Variants in RAB6B observed in about 807,000 individuals in gnomAD.
The protein encoded by RAB6B is ras-related protein Rab-6B.
A neutral mutation model predicts 31.2 loss-of-function variants in RAB6B; 7 were observed. The ratio of observed to expected loss-of-function variants is 0.22; its 90% CI spans 0.13 to 0.42. The LOEUF is 0.42. Among genes scored for constraint, RAB6B ranks in the 10% least tolerant of loss-of-function variants. RAB6B has a pLI of 1.00. For synonymous variants in RAB6B, 105 were observed against 104.9 expected (o/e 1.00, Z -0.01); for missense variants, 149 against 280.6 (o/e 0.53, Z 3.35).
intron 7 of RAB6B, among the ~76,000 whole-genome samples, chr3:133,829,626 A>G (rs984024978): frequency 6.6e-6 from 1 of 152,082 alleles, no homozygotes; most frequent in African/African-American, 2.4e-5. Flanking sequence ...GCCTTAAGAC[A>G]GGGGTGTGTG....
At chr3:133,876,606 T>A (rs1936400492) in intron 1 of RAB6B, among the ~76,000 whole-genome samples, 1 of 152,156 alleles carries the variant, frequency 6.6e-6, no homozygotes, top group African/African-American at 2.4e-5. Flanking sequence ...AGAAACTGTC[T>A]AAGCTCCCTG....
chr3:133,866,979 C>T (rs1278839662), intron 1 of RAB6B, among the ~76,000 whole-genome samples: 5 of 152,196 alleles, frequency 3.3e-5, no homozygotes, highest in Admixed American at 3.3e-4. Context: ...GTCTCTTCTC[C>T]CCAGGGCCTC....
At chr3:133,846,798 T>TA (rs1935914400) in intron 2 of RAB6B, among the ~76,000 whole-genome samples, 1 of 152,108 alleles carries the variant, frequency 6.6e-6, no homozygotes. Flanking sequence ...CTAAACTGCT[T>TA]AAAAAATAAA....
rs192934829 is a variant in RAB6B at position 133,890,281 on chromosome 3, G to A, written c.70+5116C>T. Among the ~76,000 whole-genome samples the A allele has an allele frequency of 4.5e-4, 69 of 152,184 alleles. No individual in the cohort carries two copies. The East Asian group carries it at 0.012, about 27-fold the overall frequency. The stretch of plus-strand genomic sequence containing the variant: ...GCCCCCCAAGAACTTCAGGTTTTTT[G>A]AGATGAATTGTGAGTTGCGCATGAC... On this transcript the variant is annotated intron_variant, in intron 1 of 7. Coordinates refer to ENST00000285208, the MANE Select transcript of RAB6B (RefSeq NM_016577.4).
intron 1 of RAB6B, chr3:133,885,589 G>C (rs1365856265): frequency 2.8e-6 from 2 of 702,916 alleles, no homozygotes; most frequent in Admixed American, 2.0e-5. Context: ...GTAGCAGAGA[G>C]GGAGGAGTCC....
chr3:133,837,540 T>A (rs772755630), intron 6 of RAB6B, among the ~76,000 whole-genome samples: 2 of 152,194 alleles, frequency 1.3e-5, no homozygotes, highest in Non-Finnish European at 2.9e-5. Context: ...CAGACGTCCT[T>A]CAGTGCTACG....
In RAB6B at chr3:133,824,493, C is replaced by CCAT. The variant is rs967284365; in HGVS notation, c.*4292_*4294dup. On this transcript the variant is annotated 3_prime_UTR_variant, in exon 8 of 8. Transcript: ENST00000285208. ...GGAGGCTTCCCACCTCCTGAAGGAA[C>CCAT]CATCTAAACCCCTGCTGCAAGGATT... is the stretch of plus-strand genomic sequence containing the variant. 6.6e-6 allele frequency: 1 copy of CCAT among 152,284 alleles called. No homozygotes were observed. Among genetic ancestry groups the CCAT allele is most frequent in the Admixed American group, 6.5e-5 (1 of 15,292 alleles). 9.4% of individuals were successfully genotyped at this position (152,284 alleles called of 1,614,324 possible). A position where few individuals can be genotyped will look rare whatever the true frequency, so the allele number is the denominator to read the frequency against.
chr3:133,892,618 C>T (rs1200526763), intron 1 of RAB6B, among the ~76,000 whole-genome samples: 1 of 152,202 alleles, frequency 6.6e-6, no homozygotes, highest in East Asian at 1.9e-4. Context: ...GATAAAGCCA[C>T]ATCCCTCCAG....
At chr3:133,889,554 G>T (rs1370261583) in intron 1 of RAB6B, among the ~76,000 whole-genome samples, 1 of 151,082 alleles carries the variant, frequency 6.6e-6, no homozygotes, top group Non-Finnish European at 1.5e-5. Flanking sequence ...CCTGCCTCAG[G>T]TTCCCAAGTA....
rs367955489 is a variant in RAB6B, at chr3:133,835,069, CTGCT to C, written c.496-432_496-429del. On this transcript the variant is annotated intron_variant, in intron 6 of 7. Coordinates refer to ENST00000285208, the MANE Select transcript of RAB6B (RefSeq NM_016577.4). Reference sequence around the variant, plus strand: ...TGACTTGCCCTTGAGATGAATGACTCTGCTTGGGGAGCCCTGCAGGTCCGGCGCC... The same window carrying C: ...TGACTTGCCCTTGAGATGAATGACTCTGGGGAGCCCTGCAGGTCCGGCGCC... 3.7e-3 allele frequency among the ~76,000 whole-genome samples: 559 copies of C among 152,300 alleles called. 3 individuals carry two copies. The highest frequency in any genetic ancestry group is 0.013 in the African/African-American group (523 of 41,568).
chr3:133,841,443 T>C, intron 3 of RAB6B, 53 bp from the exon 4 acceptor site: 18 of 1,584,604 alleles, frequency 1.1e-5, no homozygotes, highest in Non-Finnish European at 1.5e-5. Context: ...GGCAGTGAGG[T>C]CCTCCTGGTC....
At chr3:133,879,714 AC>A (rs1338937593) in intron 1 of RAB6B, among the ~76,000 whole-genome samples, 1 of 152,074 alleles carries the variant, frequency 6.6e-6, no homozygotes, top group African/African-American at 2.4e-5. Context: ...TAGACTGCAT[AC>A]CTCCATGGTC....
chr3:133,868,010 T>C (rs564962792), intron 1 of RAB6B, among the ~76,000 whole-genome samples: 1 of 152,258 alleles, frequency 6.6e-6, no homozygotes, highest in Admixed American at 6.5e-5. Flanking sequence ...GAGACCCTTG[T>C]CCTCCATGCT....
intron 3 of RAB6B, 83 bp downstream of exon 3, chr3:133,841,527 C>A: frequency 6.4e-7 from 1 of 1,553,560 alleles, no homozygotes; most frequent in South Asian, 1.1e-5. Flanking sequence ...CAGGTGCTCT[C>A]AGTGGTGCCC....
At chr3:133,864,478 C>T in intron 2 of RAB6B, 106 bp downstream of exon 2, 4 of 1,154,110 alleles carry the variant, frequency 3.5e-6, no homozygotes, top group Non-Finnish European at 3.9e-6. Context: ...AGCAAAATGA[C>T]AGCCTGGGAA....
intron 1 of RAB6B, 142 bp downstream of exon 1, chr3:133,895,255 C>T: frequency 1.1e-6 from 1 of 873,990 alleles, no homozygotes. Context: ...GACCCCGCCC[C>T]GACCTCCCCA....
Position 133,854,726 on chromosome 3 carries a change from G to C in RAB6B, c.129+9858C>G, listed in dbSNP as rs141234572. ...AACATGGTATTAAACAGTATCTACAGGGGTTCAGACATACAGTGCAGAATG... is the reference window on the plus strand; with the variant it reads ...AACATGGTATTAAACAGTATCTACACGGGTTCAGACATACAGTGCAGAATG... On this transcript the variant is annotated intron_variant, in intron 2 of 7. Transcript: ENST00000285208. 2.2e-3 allele frequency among the ~76,000 whole-genome samples: 341 copies of C among 152,316 alleles called. 2 individuals are homozygous for C. Among genetic ancestry groups the C allele is most frequent in the African/African-American group, 7.9e-3 (327 of 41,550 alleles).
At chr3:133,835,616 CTG>C (rs1476739908) in intron 6 of RAB6B, among the ~76,000 whole-genome samples, 1 of 151,964 alleles carries the variant, frequency 6.6e-6, no homozygotes, top group Admixed American at 6.6e-5. Context: ...ACAGAAGACT[CTG>C]AACTGCTAGG....
At chr3:133,878,647 A>ATT (rs1936427944) in intron 1 of RAB6B, among the ~76,000 whole-genome samples, 1 of 152,256 alleles carries the variant, frequency 6.6e-6, no homozygotes, top group Non-Finnish European at 1.5e-5. Flanking sequence ...AGATCTTTCT[A>ATT]TTATTTGAGT....
Sources: allele counts gnomAD v4.1 joint callset (sites outside exome capture counted in the v4.1 genomes callset), GRCh38; gene constraint gnomAD v4.1.1; transcripts MANE v1.5; gene names NCBI Gene and HGNC (gene_info 2026-07-23, HGNC 2026-07-21).